Variants in CNTNAP2 observed in about 807,000 individuals in gnomAD.
CNTNAP2 encodes the protein contactin associated protein 2, also known as contactin-associated protein-like 2.
In CNTNAP2, 98 loss-of-function variants were observed where a neutral mutation model predicts 155.2. That is an observed-to-expected ratio of 0.63 (90% CI 0.54 to 0.75). The LOEUF (loss-of-function observed/expected upper bound fraction) is 0.75. CNTNAP2 is among the 30% of genes least tolerant of loss of function. CNTNAP2 has a pLI of 0.00. For synonymous variants in CNTNAP2, 651 were observed against 631.2 expected, an observed-to-expected ratio of 1.03 and a Z score of -0.47; for missense variants, 1,727 against 1,688.1, an observed-to-expected ratio of 1.02 and a Z score of -0.40.
chr7:146,253,781 G>A (rs536240878), intron 1 of CNTNAP2, among the ~76,000 whole-genome samples: 5 of 152,280 alleles, frequency 3.3e-5, no homozygotes, highest in South Asian at 2.1e-4. Context: ...AGTAGGCTGA[G>A]CATGGTGACT....
At chr7:146,961,911 A>G (rs17170296) in intron 3 of CNTNAP2, among the ~76,000 whole-genome samples, 2,473 of 152,268 alleles carry the variant, frequency 0.016, 60 homozygotes, top group African/African-American at 0.055. Context: ...AATGTGCTAC[A>G]GACTTGGAGT....
intron 11 of CNTNAP2, among the ~76,000 whole-genome samples, chr7:147,499,744 G>A (rs1480479585): frequency 1.3e-5 from 2 of 152,124 alleles, no homozygotes; most frequent in Non-Finnish European, 2.9e-5. Context: ...GACGTTAGGA[G>A]AGTGGGTGGG....
intron 1 of CNTNAP2, among the ~76,000 whole-genome samples, chr7:146,574,903 G>A (rs897154106): frequency 6.6e-5 from 10 of 152,064 alleles, no homozygotes; most frequent in Admixed American, 3.9e-4. Context: ...GTGGCTACCC[G>A]TGGGCTCCAA....
chr7:148,005,775 A>G (rs1253340534), intron 15 of CNTNAP2, among the ~76,000 whole-genome samples: 2 of 152,176 alleles, frequency 1.3e-5, no homozygotes, highest in African/African-American at 4.8e-5. Flanking sequence ...TCATTTTCCA[A>G]TGAGTGCATG....
Position 147,013,102 on chromosome 7 carries a change from GT to G in CNTNAP2, c.403-30802del, listed in dbSNP as rs1207739545. 1.1e-4 allele frequency among the ~76,000 whole-genome samples: 17 copies of G among 152,180 alleles called. No individual in the cohort carries two copies. The East Asian group carries it at 2.7e-3, about 24-fold the overall frequency. Reference sequence around the variant, plus strand: ...ATTCAATGTGTTTTCTTGAATAATAGTTTATTAAATATTAATTATATGATAG... The same window carrying G: ...ATTCAATGTGTTTTCTTGAATAATAGTTATTAAATATTAATTATATGATAG... On this transcript the variant is annotated intron_variant, in intron 3 of 23. Coordinates refer to ENST00000361727, the MANE Select transcript of CNTNAP2 (RefSeq NM_014141.6).
At chr7:146,561,880 C>T (rs983348404) in intron 1 of CNTNAP2, among the ~76,000 whole-genome samples, 1 of 152,098 alleles carries the variant, frequency 6.6e-6, no homozygotes, top group African/African-American at 2.4e-5. Flanking sequence ...GCATCAACCT[C>T]CCCGGGCTCA....
chr7:146,705,635 A>G (rs344449), intron 1 of CNTNAP2, among the ~76,000 whole-genome samples: 35,500 of 151,982 alleles, frequency 0.23, 10,457 homozygotes, highest in African/African-American at 0.69. Flanking sequence ...TGGCTGGGAG[A>G]CCTCACAATC....
chr7:147,254,722 A>G (rs1465118442), intron 8 of CNTNAP2, among the ~76,000 whole-genome samples: 2 of 152,238 alleles, frequency 1.3e-5, no homozygotes, highest in Non-Finnish European at 2.9e-5. Context: ...CATTCAAAAC[A>G]TACAGCTTGA....
At chr7:146,519,839 C>T (rs1251471937) in intron 1 of CNTNAP2, among the ~76,000 whole-genome samples, 1 of 151,776 alleles carries the variant, frequency 6.6e-6, no homozygotes, top group Non-Finnish European at 1.5e-5. Context: ...CATGAAACCC[C>T]ATGAATTAGT....
At chr7:147,656,288 G>C (rs1419249639) in intron 13 of CNTNAP2, among the ~76,000 whole-genome samples, 1 of 152,174 alleles carries the variant, frequency 6.6e-6, no homozygotes, top group Non-Finnish European at 1.5e-5. Context: ...AATTGCCTTT[G>C]AGAATCTTTT....
chr7:147,545,652 A>G (rs1474030542), intron 11 of CNTNAP2, among the ~76,000 whole-genome samples: 3 of 152,182 alleles, frequency 2.0e-5, no homozygotes, highest in African/African-American at 7.2e-5. Flanking sequence ...GTCCTTCCAC[A>G]CAAGTCTGAT....
At chr7:147,703,285 C>G (rs1361983232) in intron 13 of CNTNAP2, among the ~76,000 whole-genome samples, 1 of 152,168 alleles carries the variant, frequency 6.6e-6, no homozygotes, top group Non-Finnish European at 1.5e-5. Context: ...ACACTGGACT[C>G]TCTAACAGTA....
rs774305120 is a variant in CNTNAP2 at position 146,600,097 on chromosome 7, A to C, written c.98-174174A>C. ...TAGACACATTAATTTTTCCCACACA[A>C]TACTGGTTAAAGAGGTATTTCAGTG... On this transcript the variant is annotated intron_variant, in intron 1 of 23. Transcript: ENST00000361727. Among the ~76,000 whole-genome samples, 3 of 151,960 alleles carry C rather than the reference A, an allele frequency of 2.0e-5. No individual in the cohort carries two copies. The East Asian group carries it at 5.8e-4, about 29-fold the overall frequency.
intron 17 of CNTNAP2, among the ~76,000 whole-genome samples, chr7:148,171,208 G>T (rs149873696): frequency 1.0e-3 from 153 of 152,238 alleles, no homozygotes; most frequent in African/African-American, 3.2e-3. Flanking sequence ...CATATATAAG[G>T]TACTGTATAT....
chr7:146,941,258 G>GA (rs1797049941), intron 3 of CNTNAP2, among the ~76,000 whole-genome samples: 1 of 151,600 alleles, frequency 6.6e-6, no homozygotes, highest in Admixed American at 6.6e-5. Flanking sequence ...TATTTTTAGT[G>GA]TATCAAAGTT....
At chr7:146,396,367 C>T (rs921501958) in intron 1 of CNTNAP2, among the ~76,000 whole-genome samples, 2 of 152,020 alleles carry the variant, frequency 1.3e-5, no homozygotes, top group African/African-American at 2.4e-5. Context: ...AGATATTAAG[C>T]AAGAAAACAC....
chr7:147,571,043 G>A (rs1411281722), intron 12 of CNTNAP2, among the ~76,000 whole-genome samples: 1 of 152,062 alleles, frequency 6.6e-6, no homozygotes, highest in Non-Finnish European at 1.5e-5. Context: ...ATGCCTTGGG[G>A]TTTTTAATCA....
chr7:148,221,420 A>G (rs991784773), intron 19 of CNTNAP2, among the ~76,000 whole-genome samples: 81 of 152,080 alleles, frequency 5.3e-4, no homozygotes, highest in African/African-American at 1.8e-3. Flanking sequence ...AAAGCTCCCC[A>G]CCGGCTGTAC....
At chr7:146,771,686 C>T (rs560633793) in intron 1 of CNTNAP2, among the ~76,000 whole-genome samples, 41 of 152,052 alleles carry the variant, frequency 2.7e-4, no homozygotes, top group African/African-American at 9.6e-4. Flanking sequence ...TATATGAAGA[C>T]GGATTTGTTG....
Sources: allele counts gnomAD v4.1 joint callset (sites outside exome capture counted in the v4.1 genomes callset), GRCh38; gene constraint gnomAD v4.1.1; transcripts MANE v1.5; gene names NCBI Gene and HGNC (gene_info 2026-07-23, HGNC 2026-07-21).